The following EPB42 variants were observed in gnomAD, a reference collection of about 807,000 sequenced individuals.
EPB42 encodes the protein erythrocyte membrane protein band 4.2.
A neutral mutation model predicts 76.9 loss-of-function variants in EPB42; 49 were observed. The observed-to-expected ratio is 0.64, with a 90% CI of 0.51 to 0.81. The LOEUF (loss-of-function observed/expected upper bound fraction) is 0.81, where lower values mean the gene tolerates loss of function less well. Among genes scored for constraint, EPB42 ranks in the 30% least tolerant of loss-of-function variants. EPB42 has a pLI of 0.00. For missense variants in EPB42, 731 were observed against 867.6 expected (o/e 0.84, Z 1.98); for synonymous variants, 310 against 338.4 (o/e 0.92, Z 0.92).
upstream of EPB42, chr15:43,221,136 G>T: frequency 3.3e-5 from 13 of 395,496 alleles, no homozygotes; most frequent in Non-Finnish European, 4.3e-5. Flanking sequence ...GAGGGGGTGG[G>T]ATGGGGAAGA....
chr15:43,202,196 T>C (rs1373589906), intron 11 of EPB42, among the ~76,000 whole-genome samples: 1 of 152,194 alleles, frequency 6.6e-6, no homozygotes. Context: ...CTCTCCTCTA[T>C]GCAGACCCCT....
chr15:43,219,106 T>C (rs2042420981), intron 1 of EPB42, among the ~76,000 whole-genome samples: 1 of 152,132 alleles, frequency 6.6e-6, no homozygotes, highest in Admixed American at 6.6e-5. Flanking sequence ...AGTTACAGCA[T>C]TTGCCAAGTT....
In EPB42 at chr15:43,215,042, C is replaced by T. The variant is rs2042356446; in HGVS notation, c.430+53G>A. On this transcript the variant is annotated intron_variant, in intron 3 of 12. Transcript: ENST00000441366. ...GCTCCCTGCCAGAGCTGCACCCCAG[C>T]TCCAGTGTCTGGAGTCTCCATGCAG... 2.0e-6 allele frequency: 3 copies of T among 1,516,436 alleles called. No individual in the cohort carries two copies. In the Admixed American group the frequency reaches 5.4e-5, roughly 27 times the overall value. 93.9% of individuals were successfully genotyped at this position (1,516,436 alleles called of 1,614,324 possible).
chr15:43,203,990 T>G (rs1317020739), intron 10 of EPB42, among the ~76,000 whole-genome samples: 1 of 152,200 alleles, frequency 6.6e-6, no homozygotes, highest in African/African-American at 2.4e-5. Flanking sequence ...GCACTATCAA[T>G]TTTAACCCAT....
At chr15:43,201,819 G>A (rs45594236) in intron 12 of EPB42, 25 bp downstream of exon 12, 462 of 1,614,186 alleles carry the variant, frequency 2.9e-4, no homozygotes, top group Non-Finnish European at 3.7e-4. Flanking sequence ...CATTTCAGGG[G>A]GATGAGAAGC....
At chr15:43,225,643 C>T (rs2042501401), upstream of EPB42, among the ~76,000 whole-genome samples, 1 of 152,150 alleles carries the variant, frequency 6.6e-6, no homozygotes, top group Non-Finnish European at 1.5e-5. Flanking sequence ...TCTATTCCAG[C>T]AGGGGGAGAC....
At chr15:43,202,964 C>G in intron 11 of EPB42, 151 bp downstream of exon 11, 1 of 1,004,360 alleles carries the variant, frequency 1.0e-6, no homozygotes, top group Admixed American at 1.9e-5. Context: ...ATGTAAGAAA[C>G]TATGTCTTTC....
chr15:43,205,186 C>T (rs906397708), intron 10 of EPB42, among the ~76,000 whole-genome samples: 3 of 152,240 alleles, frequency 2.0e-5, no homozygotes, highest in Middle Eastern at 6.8e-3. Flanking sequence ...GACCCTGTGT[C>T]ACCTGGGCCC....
chr15:43,207,232 C>T lies in EPB42; in HGVS notation c.1285G>A (p.Glu429Lys), dbSNP rs776221037. The T allele has an allele frequency of 8.1e-6, 13 of 1,614,070 alleles. No homozygotes were observed. Among genetic ancestry groups the T allele is most frequent in the Middle Eastern group, 1.7e-4 (1 of 6,060 alleles). ...STKGVGSDRCEDITQNYKYPE... is the reference protein window; with the variant it reads ...STKGVGSDRCKDITQNYKYPE... ...TACTTGTAGTTCTGAGTGATGTCCT[C>T]GCAGCGGTCACTGCCCACACCCTTG... Residue 429 changes from glutamate to lysine, a missense_variant, in exon 9 of 13, where the codon GAG becomes AAG. Physicochemically the swap from Glu to Lys is moderately conservative, Grantham distance 56. Transcript: ENST00000441366.
At position 43,208,315 on chromosome 15, in the gene EPB42, T is replaced by A; in HGVS notation, c.990A>T (p.Thr330=). Reference sequence around the variant, plus strand: ...AGGCAGGCCGCGTCATCCAGCACTCTGTGGAAGTCTGGAAGATCCTGAATG... The same window carrying A: ...AGGCAGGCCGCGTCATCCAGCACTCAGTGGAAGTCTGGAAGATCCTGAATG... ...RGRIWIFQTS[T]ECWMTRPALP... Residue 330 remains threonine (T), a synonymous_variant, in exon 8 of 13, where the codon ACA becomes ACT. Transcript: ENST00000441366. 1 of 1,614,078 alleles carries A rather than the reference T, an allele frequency of 6.2e-7. No homozygotes were observed. The highest frequency in any genetic ancestry group is 8.5e-7 in the Non-Finnish European group (1 of 1,179,948).
At position 43,220,990 on chromosome 15, in the gene EPB42, T is replaced by G; in HGVS notation, c.-165A>C. Reference sequence around the variant, plus strand: ...GCAAAACCTCCCCCCACTACTCCTGTGAGCACCCTGACATGTTTCTTCTCT... The same window carrying G: ...GCAAAACCTCCCCCCACTACTCCTGGGAGCACCCTGACATGTTTCTTCTCT... On this transcript the variant is annotated 5_prime_UTR_variant, in exon 1 of 13. Transcript: ENST00000441366. 1 of 663,318 alleles carries G rather than the reference T, an allele frequency of 1.5e-6. No homozygotes were observed. The highest frequency in any genetic ancestry group is 2.7e-6 in the Non-Finnish European group (1 of 367,348). The allele number at this position is 663,318 out of a possible 1,614,324, so 41.1% of individuals were successfully genotyped here. A position where few individuals can be genotyped will look rare whatever the true frequency, so the allele number is the denominator to read the frequency against.
rs368667184 is a variant in EPB42, at chr15:43,206,507, C to A, written c.1441G>T (p.Ala481Ser). ...CCTCTCAGGGGTAGGGAGCTGGGTG[C>A]TTTCAAGAGCAGGTACAGAGGACTG... ...TASPLYLLLK[A>S]PSSLPLRGDA... Residue 481 changes from alanine to serine, a missense_variant, in exon 10 of 13, where the codon GCA (alanine) becomes TCA (serine). Coordinates refer to ENST00000441366, the MANE Select transcript of EPB42 (RefSeq NM_001114134.2). The surrounding 1 kb of genome is among the most constrained non-coding windows in gnomAD (Gnocchi z 4.7). 6.2e-7 allele frequency: 1 copy of A among 1,613,936 alleles called. No homozygotes were observed. The highest frequency in any genetic ancestry group is 1.3e-5 in the African/African-American group (1 of 74,922).
At chr15:43,209,793 C>T (rs1218329730) in intron 5 of EPB42, among the ~76,000 whole-genome samples, 1 of 152,208 alleles carries the variant, frequency 6.6e-6, no homozygotes, top group Non-Finnish European at 1.5e-5. Context: ...TCCTGGAGGC[C>T]ACTTATCCCA....
chr15:43,204,965 C>CT (rs1555471881), intron 10 of EPB42, among the ~76,000 whole-genome samples: 4 of 7,298 alleles, frequency 5.5e-4, no homozygotes, highest in South Asian at 0.02. Flanking sequence ...GCCCCCTCCG[C>CT]CCCCCCCCCA....
rs2042293846 is a variant in EPB42 at position 43,211,405 on chromosome 15, G to C, written c.549+11C>G. On this transcript the variant is annotated intron_variant, in intron 4 of 12. Coordinates refer to ENST00000441366, the MANE Select transcript of EPB42 (RefSeq NM_001114134.2). ...CACTCTACACACTCCTCCCCTAGAGGGCCCTGGTACCTGGCCAAAGTCCCA... is the reference window on the plus strand; with the variant it reads ...CACTCTACACACTCCTCCCCTAGAGCGCCCTGGTACCTGGCCAAAGTCCCA... 7 of 1,532,852 alleles carry C rather than the reference G, an allele frequency of 4.6e-6. No individual in the cohort carries two copies. Among genetic ancestry groups the C allele is most frequent in the Non-Finnish European group, 6.3e-6 (7 of 1,106,044 alleles). The allele number at this position is 1,532,852 out of a possible 1,614,324, so 95.0% of individuals were successfully genotyped here.
chr15:43,214,748 C>T (rs1268099073), intron 3 of EPB42, among the ~76,000 whole-genome samples: 1 of 152,098 alleles, frequency 6.6e-6, no homozygotes, highest in African/African-American at 2.4e-5. Context: ...CAGTTCTCAC[C>T]CCTGCACTGT....
intron 12 of EPB42, among the ~76,000 whole-genome samples, chr15:43,201,026 G>C (rs1368769809): frequency 1.3e-5 from 2 of 152,182 alleles, no homozygotes. Context: ...GTGTTAGCCA[G>C]GATGGTCTCG....
Position 43,197,316 on chromosome 15 carries a change from C to G in EPB42, c.2062G>C (p.Glu688Gln). The G allele has an allele frequency of 6.2e-7, 1 of 1,614,172 alleles. No homozygotes were observed. Among genetic ancestry groups the G allele is most frequent in the Non-Finnish European group, 8.5e-7 (1 of 1,180,032 alleles). The change falls in exon 13 of 13, where the codon GAA (glutamate) becomes CAA (glutamine). Residue 688 changes from glutamate (E) to glutamine (Q), a missense_variant. Transcript: ENST00000441366. ...NYKSVTVVAP[E>Q]LSA ...GAGCTGGAAGTTTAAGCTGATAGTT[C>G]AGGGGCTACCACGGTGACGCTTTTA...
chr15:43,210,298 C>T (rs760526823), intron 5 of EPB42, 37 bp downstream of exon 5: 16 of 1,588,522 alleles, frequency 1.0e-5, no homozygotes, highest in Non-Finnish European at 1.4e-5. Flanking sequence ...TTTTTTCTCA[C>T]CCCTGCCCCA....
Sources: allele counts gnomAD v4.1 joint callset (sites outside exome capture counted in the v4.1 genomes callset), GRCh38; gene constraint gnomAD v4.1.1; non-coding constraint Gnocchi (gnomAD v3.1); transcripts MANE v1.5; gene names NCBI Gene and HGNC (gene_info 2026-07-23, HGNC 2026-07-21).